Variants in TVP23B observed in about 807,000 individuals in gnomAD.
TVP23B encodes the protein trans-golgi network vesicle protein 23 homolog B.
A neutral mutation model predicts 30.6 loss-of-function variants in TVP23B; 10 were observed. The observed-to-expected ratio is 0.33, with a 90% CI of 0.20 to 0.55. The LOEUF is 0.55. Among genes scored for constraint, TVP23B ranks in the 20% least tolerant of loss-of-function variants. The pLI is 0.91. For missense variants in TVP23B, 153 were observed against 243.2 expected (o/e 0.63, Z 2.47); for synonymous variants, 67 against 83.1 (o/e 0.81, Z 1.06).
chr17:18,798,021 T>C (rs1190406089), intron 4 of TVP23B, among the ~76,000 whole-genome samples: 1 of 151,924 alleles, frequency 6.6e-6, no homozygotes, highest in Non-Finnish European at 1.5e-5. Flanking sequence ...CATCTTGTTC[T>C]GTCTTTGCTC....
At chr17:18,783,198 C>T (rs1048093885) in intron 1 of TVP23B, among the ~76,000 whole-genome samples, 29 of 150,236 alleles carry the variant, frequency 1.9e-4, no homozygotes, top group Non-Finnish European at 1.2e-4. Flanking sequence ...CTCTGCCTCC[C>T]GGCTTCAAGC....
chr17:18,798,690 T>G (rs1338013789), intron 4 of TVP23B, 122 bp from the exon 5 acceptor site: 17 of 1,348,850 alleles, frequency 1.3e-5, no homozygotes, highest in Non-Finnish European at 1.7e-5. Flanking sequence ...GGGTTCTAAC[T>G]TAGGAGTTGG....
chr17:18,792,866 A>G (rs2151847177), intron 3 of TVP23B, among the ~76,000 whole-genome samples: 1 of 152,318 alleles, frequency 6.6e-6, no homozygotes. Flanking sequence ...AAACAGTTAA[A>G]ATAGAGATGT....
chr17:18,783,766 C>G (rs2035851705), intron 1 of TVP23B, among the ~76,000 whole-genome samples: 1 of 152,224 alleles, frequency 6.6e-6, no homozygotes, highest in African/African-American at 2.4e-5. Context: ...TCTAGTAATT[C>G]TCTTTCTTGT....
chr17:18,781,406 C>T (rs1002323452), intron 1 of TVP23B, 101 bp downstream of exon 1: 12 of 1,524,728 alleles, frequency 7.9e-6, no homozygotes, highest in Admixed American at 4.0e-5. Flanking sequence ...GCTACTCGAA[C>T]TCGAGGAGGA....
At chr17:18,789,483 C>G (rs367564496) in intron 2 of TVP23B, 48 bp downstream of exon 2, 52 of 1,613,310 alleles carry the variant, frequency 3.2e-5, no homozygotes, top group East Asian at 2.2e-4. Flanking sequence ...CAGTGCTGTT[C>G]TGTATGTATG....
chr17:18,796,896 C>G, intron 3 of TVP23B: 1 of 152,568 alleles, frequency 6.6e-6, no homozygotes, highest in East Asian at 1.9e-4. Context: ...TTTCTGATAC[C>G]CAGACTAGAT....
At chr17:18,797,520 T>C (rs2036093542) in intron 3 of TVP23B, 59 bp from the exon 4 acceptor site, 3 of 1,612,498 alleles carry the variant, frequency 1.9e-6, no homozygotes, top group Non-Finnish European at 2.5e-6. Context: ...GATAGGAGCT[T>C]GTGATAGATC....
intron 3 of TVP23B, among the ~76,000 whole-genome samples, chr17:18,794,768 C>A (rs1193628148): frequency 7.2e-6 from 1 of 139,548 alleles, no homozygotes; most frequent in African/African-American, 2.6e-5. Flanking sequence ...GTCTCCCTTG[C>A]CAGCTCTTTT....
At chr17:18,784,960 C>A (rs2035876492) in intron 1 of TVP23B, among the ~76,000 whole-genome samples, 1 of 152,210 alleles carries the variant, frequency 6.6e-6, no homozygotes, top group African/African-American at 2.4e-5. Flanking sequence ...CCTCCACCTC[C>A]CCAGTCAGTC....
intron 3 of TVP23B, among the ~76,000 whole-genome samples, chr17:18,791,859 TAG>T (rs1453740185): frequency 1.3e-5 from 2 of 151,684 alleles, no homozygotes; most frequent in African/African-American, 4.8e-5. Context: ...CTCTAGATGA[TAG>T]ATATTTGGGT....
In TVP23B at chr17:18,804,138, G is replaced by T. The variant is rs201426240; in HGVS notation, c.463G>T (p.Ala155Ser). ...ALFSFRVKWL[A>S]VVIMGVVLQG... ...TTGATTATTTTTTCCCTTGTCCCAG[G>T]CGGTGGTTATCATGGGTGTGGTGCT... Residue 155 changes from alanine (A) to serine (S), a missense_variant and splice_region_variant, in exon 6 of 7, where the codon GCG (alanine) becomes TCG (serine). Around this residue, in one of 3 missense-constraint regions of TVP23B, gnomAD observed 62 missense variants for 74.3 expected, o/e 0.83. Transcript: ENST00000307767. The T allele has an allele frequency of 7.1e-5, 115 of 1,613,764 alleles. 1 individual carries two copies. The highest frequency in any genetic ancestry group is 9.3e-6 in the Non-Finnish European group (11 of 1,179,838).
intron 3 of TVP23B, among the ~76,000 whole-genome samples, chr17:18,795,057 G>A (rs1299832542): frequency 2.2e-5 from 1 of 45,052 alleles, no homozygotes; most frequent in Non-Finnish European, 4.2e-5. Flanking sequence ...ACAAAATCTT[G>A]CTTTGTCACC....
intron 3 of TVP23B, among the ~76,000 whole-genome samples, chr17:18,792,880 G>A (rs546656886): frequency 3.3e-5 from 5 of 152,212 alleles, no homozygotes; most frequent in African/African-American, 7.2e-5. Flanking sequence ...GAGATGTGTC[G>A]TAATTGTTAT....
chr17:18,786,206 T>G (rs554808982), intron 1 of TVP23B, among the ~76,000 whole-genome samples: 1 of 152,278 alleles, frequency 6.6e-6, no homozygotes, highest in Non-Finnish European at 1.5e-5. Flanking sequence ...GATGATCTCT[T>G]GACCTCAAGA....
intron 6 of TVP23B, among the ~76,000 whole-genome samples, chr17:18,805,053 A>G (rs2036226214): frequency 6.6e-6 from 1 of 150,814 alleles, no homozygotes; most frequent in Non-Finnish European, 1.5e-5. Flanking sequence ...TTATTGGTTA[A>G]ATTTCTTGGG....
At chr17:18,796,514 G>A (rs2036079216) in intron 3 of TVP23B, 1 of 152,226 alleles carries the variant, frequency 6.6e-6, no homozygotes, top group Non-Finnish European at 1.5e-5. Flanking sequence ...TTGCATGCCA[G>A]CCTGGGCAAC....
At chr17:18,801,960 GCCTGTAAT>G (rs1216090622) in intron 5 of TVP23B, among the ~76,000 whole-genome samples, 1 of 152,194 alleles carries the variant, frequency 6.6e-6, no homozygotes, top group East Asian at 1.9e-4. Context: ...GGTGGCTCAT[GCCTGTAAT>G]CCCAGCACTT....
rs572402929 is a variant in TVP23B, at chr17:18,794,123, T to C, written c.240+3083T>C. ...AAAATAGAAAAGCATTATGATGAGT[T>C]TAACAAACTACTATCTTTAACAAAC... is the stretch of plus-strand genomic sequence containing the variant. On this transcript the variant is annotated intron_variant, in intron 3 of 6. Transcript: ENST00000307767. Among the ~76,000 whole-genome samples the C allele has an allele frequency of 3.9e-5, 6 of 152,176 alleles. No homozygotes were observed. The South Asian group carries it at 8.3e-4, about 21-fold the overall frequency.
Sources: gnomAD v4.1 joint callset for allele counts (sites outside exome capture counted in the v4.1 genomes callset) on GRCh38, gnomAD v4.1.1 for gene constraint, gnomAD v4.1.1 regional missense constraint, MANE v1.5 for transcripts, NCBI Gene and HGNC (gene_info 2026-07-23, HGNC 2026-07-21) for gene names.